OPCML: variants seen among roughly 807,000 people sequenced by gnomAD.
OPCML encodes the protein opioid-binding protein/cell adhesion molecule.
A neutral mutation model predicts 37.8 loss-of-function variants in OPCML; 13 were observed. The observed-to-expected ratio is 0.34, with a 90% CI of 0.22 to 0.55. The LOEUF is 0.55. OPCML is among the 20% of genes least tolerant of loss of function. The pLI is 0.91. For missense variants in OPCML, 341 were observed against 435.6 expected, an observed-to-expected ratio of 0.78 and a Z score of 1.93; for synonymous variants, 176 against 168.8, an observed-to-expected ratio of 1.04 and a Z score of -0.33.
rs1939372629 is a variant in OPCML, at chr11:133,211,816, G to A, written c.62-268806C>T. Among the ~76,000 whole-genome samples the A allele has an allele frequency of 6.6e-6, 1 of 152,140 alleles. No individual in the cohort carries two copies. The highest frequency in any genetic ancestry group is 6.5e-5 in the Admixed American group (1 of 15,272). ...GTCTTACAACAATCCTAATAAAGTAGACAGTTAAACCTTCAAGAGTATAAG... is the reference window on the plus strand; with the variant it reads ...GTCTTACAACAATCCTAATAAAGTAAACAGTTAAACCTTCAAGAGTATAAG... On this transcript the variant is annotated intron_variant, in intron 1 of 7. Coordinates refer to ENST00000524381, the MANE Select transcript of OPCML (RefSeq NM_001012393.5). The surrounding 1 kb of genome is among the most constrained non-coding windows in gnomAD (Gnocchi z 4.1).
intron 1 of OPCML, among the ~76,000 whole-genome samples, chr11:133,194,205 CTTTT>C (rs34797390): frequency 9.4e-6 from 1 of 106,942 alleles, no homozygotes; most frequent in Non-Finnish European, 1.8e-5. Context: ...CCTTCCCCCA[CTTTT>C]TTTTTTTTTT....
rs1342262558 is a variant in OPCML at position 132,638,182 on chromosome 11, T to TATATATATATATATATAC, written c.379+18904_379+18905insGTATATATATATATATAT. On this transcript the variant is annotated intron_variant, in intron 3 of 7. Transcript: ENST00000524381. The stretch of plus-strand genomic sequence containing the variant: ...TACAGACTATATATATATATATATA[T>TATATATATATATATATAC]ATATACAGAGAGAGAGAGAGCATAT... Among the ~76,000 whole-genome samples the TATATATATATATATATAC allele has an allele frequency of 4.4e-5, 5 of 114,366 alleles. No individual in the cohort carries two copies. In the South Asian group the frequency reaches 1.4e-3, roughly 33 times the overall value. The allele number at this position is 114,366 out of a possible 152,430, so 75.0% of individuals were successfully genotyped here. A position where few individuals can be genotyped will look rare whatever the true frequency, so the allele number is the denominator to read the frequency against.
intron 2 of OPCML, among the ~76,000 whole-genome samples, chr11:132,804,497 A>T (rs144370625): frequency 9.5e-4 from 144 of 152,302 alleles, no homozygotes; most frequent in African/African-American, 3.4e-3. Flanking sequence ...ATGTAATTAA[A>T]AGCAGAACAT....
In OPCML at chr11:133,177,578, G is replaced by A. The variant is rs904572399; in HGVS notation, c.62-234568C>T. ...AACTCTAGAATCTAATAGTTGGAGT[G>A]GCAATAAAAAATGTGAATACAACTC... On this transcript the variant is annotated intron_variant, in intron 1 of 7. Coordinates refer to ENST00000524381, the MANE Select transcript of OPCML (RefSeq NM_001012393.5). This position sits in a 1 kb window ranked among gnomAD's most constrained non-coding sequence, Gnocchi z 5.0. Among the ~76,000 whole-genome samples, 2 of 152,116 alleles carry A rather than the reference G, an allele frequency of 1.3e-5. No individual in the cohort carries two copies. Among genetic ancestry groups the A allele is most frequent in the Non-Finnish European group, 2.9e-5 (2 of 68,022 alleles).
At chr11:133,217,847 C>A (rs1939650186) in intron 1 of OPCML, among the ~76,000 whole-genome samples, 1 of 152,128 alleles carries the variant, frequency 6.6e-6, no homozygotes, top group South Asian at 2.1e-4. Flanking sequence ...GAGCCCAGGG[C>A]AGCCTGGGCA....
intron 1 of OPCML, among the ~76,000 whole-genome samples, chr11:133,468,052 C>G (rs1200237735): frequency 6.6e-6 from 1 of 152,222 alleles, no homozygotes; most frequent in Non-Finnish European, 1.5e-5. Flanking sequence ...TGGCAATGCT[C>G]TCAAAATAAG....
chr11:133,525,570 C>A (rs905815057), intron 1 of OPCML, among the ~76,000 whole-genome samples: 2 of 152,206 alleles, frequency 1.3e-5, no homozygotes, highest in Non-Finnish European at 2.9e-5. Flanking sequence ...CACTGCCTAC[C>A]TCACAGTCTC....
chr11:133,229,537 A>AG (rs1427336025), intron 1 of OPCML, among the ~76,000 whole-genome samples: 2 of 152,152 alleles, frequency 1.3e-5, no homozygotes, highest in African/African-American at 2.4e-5. Context: ...AAAAAAGAAA[A>AG]GGGCTCCCAA....
At chr11:132,671,245 ATTTT>A (rs1272251136) in intron 2 of OPCML, among the ~76,000 whole-genome samples, 1 of 152,142 alleles carries the variant, frequency 6.6e-6, no homozygotes, top group East Asian at 1.9e-4. Context: ...TATGCTATAT[ATTTT>A]TAATAAGCCA....
intron 2 of OPCML, among the ~76,000 whole-genome samples, chr11:132,892,612 C>A (rs2725456): frequency 0.061 from 9,305 of 152,032 alleles, 420 homozygotes; most frequent in South Asian, 0.14. Flanking sequence ...ACTAAAAATA[C>A]AAAAATTAGC....
chr11:133,499,851 TAC>T (rs1947871646), intron 1 of OPCML, among the ~76,000 whole-genome samples: 1 of 131,360 alleles, frequency 7.6e-6, no homozygotes, highest in South Asian at 2.2e-4. Flanking sequence ...TATATATATA[TAC>T]ATACACATAT....
At chr11:132,843,082 C>CTTT (rs908099363) in intron 2 of OPCML, among the ~76,000 whole-genome samples, 14 of 99,482 alleles carry the variant, frequency 1.4e-4, no homozygotes, top group Admixed American at 3.3e-4. Flanking sequence ...AGTGTGGTTC[C>CTTT]TTTTTCTTTC....
Position 132,657,360 on chromosome 11 carries a change from AAGAG to A in OPCML, c.147-45_147-42del, listed in dbSNP as rs753545988. 1.0e-5 allele frequency: 16 copies of A among 1,607,014 alleles called. No homozygotes were observed. In the South Asian group the frequency reaches 1.3e-4, roughly 13 times the overall value. On this transcript the variant is annotated intron_variant, in intron 2 of 7. Coordinates refer to ENST00000524381, the MANE Select transcript of OPCML (RefSeq NM_001012393.5). ...GAGTGGTGGAGGGAGGAAGAAGGGA[AAGAG>A]AGAGAGTGGAGAGATTATATAATAT...
intron 1 of OPCML, among the ~76,000 whole-genome samples, chr11:133,406,042 G>A (rs186893897): frequency 1.6e-4 from 25 of 152,078 alleles, no homozygotes; most frequent in Admixed American, 3.3e-4. Context: ...GTAATCAGTC[G>A]GTCCACTGGG....
rs78636673 is a variant in OPCML at position 132,957,363 on chromosome 11, G to C, written c.62-14353C>G. Among the ~76,000 whole-genome samples, 670 of 152,228 alleles carry C rather than the reference G, an allele frequency of 4.4e-3. 3 individuals carry two copies. Among genetic ancestry groups the C allele is most frequent in the African/African-American group, 0.015 (613 of 41,540 alleles). ...AAAGAAAGGGGCAGGGGCATAACAC[G>C]GGAGAGAAGCAGGATGGGGTCTGAC... On this transcript the variant is annotated intron_variant, in intron 1 of 7. Coordinates refer to ENST00000524381, the MANE Select transcript of OPCML (RefSeq NM_001012393.5).
intron 1 of OPCML, among the ~76,000 whole-genome samples, chr11:133,377,667 G>A (rs1279348762): frequency 6.8e-6 from 1 of 146,828 alleles, no homozygotes; most frequent in African/African-American, 2.5e-5. Context: ...GAGCAGACAT[G>A]TGCTAATAAG....
At chr11:132,670,306 G>A (rs1942412469) in intron 2 of OPCML, among the ~76,000 whole-genome samples, 1 of 152,104 alleles carries the variant, frequency 6.6e-6, no homozygotes, top group Non-Finnish European at 1.5e-5. Flanking sequence ...AAAGACTTCG[G>A]CAGTGCAGAA....
At chr11:132,950,633 A>G (rs1168223337) in intron 1 of OPCML, among the ~76,000 whole-genome samples, 2 of 152,140 alleles carry the variant, frequency 1.3e-5, no homozygotes, top group Non-Finnish European at 2.9e-5. Flanking sequence ...TTTCCTAATT[A>G]TCATAAAAAA....
chr11:133,166,150 G>A (rs186458534), intron 1 of OPCML, among the ~76,000 whole-genome samples: 27 of 152,102 alleles, frequency 1.8e-4, no homozygotes, highest in African/African-American at 5.8e-4. Flanking sequence ...GCTTGCTTTG[G>A]GGAAAAAAAT....
Sources: allele counts gnomAD v4.1 joint callset (sites outside exome capture counted in the v4.1 genomes callset), GRCh38; gene constraint gnomAD v4.1.1; non-coding constraint Gnocchi (gnomAD v3.1); transcripts MANE v1.5; gene names NCBI Gene and HGNC (gene_info 2026-07-23, HGNC 2026-07-21).